The following STARD9 variants were observed in gnomAD, a reference collection of about 807,000 sequenced individuals.
STARD9 encodes the protein StAR related lipid transfer domain containing 9, also known as stAR-related lipid transfer protein 9.
STARD9 carries 346 observed loss-of-function variants against 399.8 expected under a neutral mutation model. That is an observed-to-expected ratio of 0.87 (90% CI 0.79 to 0.95). The LOEUF (loss-of-function observed/expected upper bound fraction) is 0.95. Among genes scored for constraint, STARD9 ranks in the 40% least tolerant of loss-of-function variants. The pLI is 0.00. For synonymous variants in STARD9, 2,203 were observed against 2,143.5 expected (o/e 1.03, Z -0.77); for missense variants, 5,832 against 5,667.5 (o/e 1.03, Z -0.93).
At chr15:42,648,816 C>G (rs965259505) in intron 7 of STARD9, among the ~76,000 whole-genome samples, 1 of 151,874 alleles carries the variant, frequency 6.6e-6, no homozygotes, top group Non-Finnish European at 1.5e-5. Context: ...CCATTCTTTC[C>G]TCTTCTTTTG....
chr15:42,581,877 A>G (rs778633745), intron 1 of STARD9, among the ~76,000 whole-genome samples: 31 of 152,180 alleles, frequency 2.0e-4, no homozygotes, highest in Non-Finnish European at 3.7e-4. Flanking sequence ...GGGGCCAGGC[A>G]GTGTGGCTTA....
At chr15:42,658,209 A>G (rs1051321407) in intron 9 of STARD9, among the ~76,000 whole-genome samples, 35 of 152,102 alleles carry the variant, frequency 2.3e-4, no homozygotes, top group African/African-American at 7.5e-4. Flanking sequence ...CAGTGGCACA[A>G]TCATGGCTCA....
At chr15:42,578,347 C>T (rs896392787) in intron 1 of STARD9, among the ~76,000 whole-genome samples, 18 of 152,142 alleles carry the variant, frequency 1.2e-4, no homozygotes, top group African/African-American at 4.1e-4. Context: ...CTGACCTCAC[C>T]TGCCATGGCC....
intron 7 of STARD9, among the ~76,000 whole-genome samples, chr15:42,645,563 AT>A (rs773050530): frequency 7.0e-3 from 984 of 140,872 alleles, no homozygotes; most frequent in Middle Eastern, 0.011. Flanking sequence ...GGGCCCTAGG[AT>A]TTTTTTTTTT....
chr15:42,638,836 T>A (rs1411678844), intron 7 of STARD9, 24 bp downstream of exon 7: 1 of 1,400,466 alleles, frequency 7.1e-7, no homozygotes, highest in East Asian at 2.5e-5. Flanking sequence ...GTCCTGGAGA[T>A]CTGAAACCAA....
chr15:42,676,056 T>TGG, intron 20 of STARD9, 81 bp downstream of exon 20: 6 of 134,676 alleles, frequency 4.5e-5, no homozygotes, highest in East Asian at 2.8e-4. Flanking sequence ...AGGGTGGGGG[T>TGG]GGGGGGTGAT....
rs755001033 is a variant in STARD9 at position 42,669,237 on chromosome 15, A to G, written c.1397A>G (p.Asn466Ser). Residue 466 changes from asparagine (N) to serine (S), a missense_variant, in exon 16 of 33, where the codon AAC (asparagine) becomes AGC (serine). By Grantham distance (46) the Asn-to-Ser change is conservative (BLOSUM62 1). This residue lies in a region of STARD9 where 5,828 missense variants were observed against 5,651.1 expected (regional missense o/e 1.03). Coordinates refer to ENST00000290607, the MANE Select transcript of STARD9 (RefSeq NM_020759.3). Reference protein sequence around the residue: ...ALMEHYSVDINRRRAGVVIDS... With the variant: ...ALMEHYSVDISRRRAGVVIDS... ...ATGGAGCATTACAGTGTGGACATCA[A>G]CAGGAGGAGGGCTGGGGTGGTCATC... 253 of 1,537,060 alleles carry G rather than the reference A, an allele frequency of 1.6e-4. No homozygotes were observed. Among genetic ancestry groups the G allele is most frequent in the Non-Finnish European group, 2.1e-4 (237 of 1,146,840 alleles).
In STARD9 at chr15:42,691,220, GC is replaced by G; in HGVS notation, c.9643del (p.His3215ThrfsTer16). 6.5e-7 allele frequency: 1 copy of G among 1,537,282 alleles called. No homozygotes were observed. ...ACAGTCCCTGGCAGGAAGAAGAGCA[GC>G]ACAGAGACCAGGCTTCAGGTGGTGG... The part of the protein sequence containing the change: ...EDSPWQEEEQ[H>X]RDQASGGGEG... On this transcript the variant is annotated frameshift_variant, in exon 23 of 33. Transcript: ENST00000290607. LOFTEE classifies it high-confidence loss of function.
At chr15:42,719,451 A>G in intron 32 of STARD9, 22 bp from the exon 33 acceptor site, 1 of 1,489,140 alleles carries the variant, frequency 6.7e-7, no homozygotes, top group South Asian at 1.2e-5. Context: ...TGCACCTTAA[A>G]TTCTTCTCTC....
Position 42,655,534 on chromosome 15 carries a change from A to G in STARD9, c.702+2942A>G, listed in dbSNP as rs149780137. Among the ~76,000 whole-genome samples the G allele has an allele frequency of 1.7e-3, 259 of 152,352 alleles. 1 individual carries two copies. In the Middle Eastern group the frequency reaches 0.027, roughly 16 times the overall value. On this transcript the variant is annotated intron_variant, in intron 9 of 32. Transcript: ENST00000290607. The stretch of plus-strand genomic sequence containing the variant: ...GGTGCTGGGATAATTGGCAAGCCAC[A>G]TGTAAGAGAATGACACTGGATCCTC...
rs1347322477 is a variant in STARD9, at chr15:42,693,411, A to G, written c.11833A>G (p.Arg3945Gly). Residue 3945 changes from arginine to glycine, a missense_variant, in exon 23 of 33, where the codon AGG (arginine) becomes GGG (glycine). Physicochemically the swap from Arg to Gly is moderately radical, Grantham distance 125. Transcript: ENST00000290607. ...DSSPDPVDAP[R>G]TPMDNYSQTT... ...CAGCCCAGACCCTGTTGATGCCCCA[A>G]GGACTCCAATGGATAATTATTCCCA... 4.6e-6 allele frequency: 7 copies of G among 1,537,072 alleles called. No homozygotes were observed. In the African/African-American group the frequency reaches 5.5e-5, roughly 12 times the overall value.
chr15:42,675,082 C>T (rs1202912500), intron 18 of STARD9, 118 bp downstream of exon 18: 10 of 1,091,088 alleles, frequency 9.2e-6, no homozygotes, highest in Non-Finnish European at 9.8e-6. Flanking sequence ...CCTCTGCACC[C>T]TGAAGTCTGA....
Position 42,685,442 on chromosome 15 carries a change from A to G in STARD9, c.3864A>G (p.Gln1288=). The change falls in exon 23 of 33, where the codon CAA becomes CAG. Residue 1288 remains glutamine, a synonymous_variant. Coordinates refer to ENST00000290607, the MANE Select transcript of STARD9 (RefSeq NM_020759.3). ...AGTTCCAACCCCATTGTGAGCTCCAACCCCATTGTGAGCTCCAACCCCATT... is the reference window on the plus strand; with the variant it reads ...AGTTCCAACCCCATTGTGAGCTCCAGCCCCATTGTGAGCTCCAACCCCATT... ...DPQFQPHCEL[Q]PHCELQPHCE... The G allele has an allele frequency of 2.0e-6, 3 of 1,536,698 alleles. No homozygotes were observed. Among genetic ancestry groups the G allele is most frequent in the African/African-American group, 1.4e-5 (1 of 72,912 alleles).
At chr15:42,598,937 T>G (rs1451735211) in intron 3 of STARD9, among the ~76,000 whole-genome samples, 6 of 152,186 alleles carry the variant, frequency 3.9e-5, no homozygotes, top group Non-Finnish European at 1.5e-5. Flanking sequence ...GTTTTGTTTT[T>G]TTTGGCAACC....
rs1240284591 is a variant in STARD9, at chr15:42,693,490, G to A, written c.11912G>A (p.Ser3971Asn). The change falls in exon 23 of 33, where the codon AGT (serine) becomes AAT (asparagine). Residue 3971 changes from serine (S) to asparagine (N), a missense_variant. Around this residue, in one of 2 missense-constraint regions of STARD9, gnomAD observed 5,828 missense variants for 5,651.1 expected, o/e 1.03. Coordinates refer to ENST00000290607, the MANE Select transcript of STARD9 (RefSeq NM_020759.3). ...SQRGRSSLQR[S>N]NGRSFLELHS... ...AGAGGTAGAAGTTCCTTACAAAGGA[G>A]TAATGGGAGATCCTTCCTTGAGTTG... 6.5e-7 allele frequency: 1 copy of A among 1,537,152 alleles called. No individual in the cohort carries two copies. The highest frequency in any genetic ancestry group is 8.7e-7 in the Non-Finnish European group (1 of 1,146,922).
intron 3 of STARD9, among the ~76,000 whole-genome samples, chr15:42,632,767 AG>A (rs1265019288): frequency 2.0e-5 from 3 of 152,200 alleles, no homozygotes; most frequent in Non-Finnish European, 4.4e-5. Flanking sequence ...CCTTGAGCCC[AG>A]GAGTTTGAAG....
At chr15:42,575,806 G>A (rs1240857919) in intron 1 of STARD9, 44 bp downstream of exon 1, 12 of 1,529,840 alleles carry the variant, frequency 7.8e-6, no homozygotes, top group South Asian at 2.4e-5. Flanking sequence ...CACAGGAGCT[G>A]AAAAGAGCGG....
intron 9 of STARD9, among the ~76,000 whole-genome samples, chr15:42,659,298 T>C (rs2059945516): frequency 6.6e-6 from 1 of 152,120 alleles, no homozygotes; most frequent in African/African-American, 2.4e-5. Flanking sequence ...AAACAAAATA[T>C]GCTAGTGACA....
At chr15:42,595,678 T>C (rs1454167093) in intron 3 of STARD9, among the ~76,000 whole-genome samples, 1 of 152,214 alleles carries the variant, frequency 6.6e-6, no homozygotes, top group East Asian at 1.9e-4. Context: ...CATTTTCTCA[T>C]GAATATTTGC....
Sources: gnomAD v4.1 joint callset for allele counts (sites outside exome capture counted in the v4.1 genomes callset) on GRCh38, gnomAD v4.1.1 for gene constraint, gnomAD v4.1.1 regional missense constraint, MANE v1.5 for transcripts, NCBI Gene and HGNC (gene_info 2026-07-23, HGNC 2026-07-21) for gene names.